Variants in STK38 observed in about 807,000 individuals in gnomAD.
STK38 encodes the protein serine/threonine-protein kinase 38.
Under a neutral mutation model 59.0 loss-of-function variants are expected in STK38, and 26 were observed. The observed-to-expected ratio is 0.44, with a 90% CI of 0.32 to 0.61. The LOEUF (loss-of-function observed/expected upper bound fraction) is 0.61, where lower values mean the gene tolerates loss of function less well. Among genes scored for constraint, STK38 ranks in the 20% least tolerant of loss-of-function variants. The pLI, the probability that STK38 is intolerant of heterozygous loss-of-function variation, is 0.04. For synonymous variants in STK38, 175 were observed against 176.6 expected, an observed-to-expected ratio of 0.99 and a Z score of 0.07; for missense variants, 433 against 566.0, an observed-to-expected ratio of 0.76 and a Z score of 2.38.
intron 6 of STK38, 128 bp from the exon 7 acceptor site, chr6:36,515,620 C>T: frequency 6.7e-7 from 1 of 1,485,568 alleles, no homozygotes; most frequent in South Asian, 1.3e-5. Context: ...GGCGGCTAAA[C>T]AGACCTCTTC....
chr6:36,526,120 C>G (rs1777504940), intron 2 of STK38, among the ~76,000 whole-genome samples: 1 of 152,086 alleles, frequency 6.6e-6, no homozygotes, highest in Non-Finnish European at 1.5e-5. Context: ...TGTGAGCCAC[C>G]ATGCCCCGCC....
chr6:36,524,244 A>C, intron 4 of STK38, 97 bp downstream of exon 4: 2 of 1,435,958 alleles, frequency 1.4e-6, no homozygotes, highest in Non-Finnish European at 1.9e-6. Context: ...ATTTAATTCC[A>C]TATATTTGTT....
chr6:36,521,944 C>T, intron 4 of STK38, 127 bp from the exon 5 acceptor site: 1 of 673,836 alleles, frequency 1.5e-6, no homozygotes, highest in Non-Finnish European at 2.4e-6. Context: ...CTAGTAATAA[C>T]AAAGCAGAAG....
chr6:36,521,656 T>C (rs1777378041), intron 5 of STK38, 78 bp downstream of exon 5: 1 of 1,023,950 alleles, frequency 9.8e-7, no homozygotes, highest in East Asian at 2.6e-5. Flanking sequence ...TAAAAATATA[T>C]ATTTCAATTA....
chr6:36,539,379 C>T (rs1002085888), intron 2 of STK38, among the ~76,000 whole-genome samples: 4 of 140,182 alleles, frequency 2.9e-5, no homozygotes, highest in African/African-American at 1.1e-4. Flanking sequence ...GAGTGAGATT[C>T]GATCTCAAAA....
At chr6:36,522,263 G>A (rs1777394380) in intron 4 of STK38, 1 of 155,628 alleles carries the variant, frequency 6.4e-6, no homozygotes, top group Admixed American at 6.5e-5. Flanking sequence ...CTTGAGCTCA[G>A]GAGTTATGAG....
At chr6:36,541,668 C>G (rs1777940405) in intron 1 of STK38, among the ~76,000 whole-genome samples, 1 of 152,060 alleles carries the variant, frequency 6.6e-6, no homozygotes, top group Non-Finnish European at 1.5e-5. Flanking sequence ...GAACACATTA[C>G]AAAGCAGAAT....
intron 5 of STK38, among the ~76,000 whole-genome samples, chr6:36,521,032 T>C (rs1777364796): frequency 6.6e-6 from 1 of 152,218 alleles, no homozygotes; most frequent in Non-Finnish European, 1.5e-5. Context: ...ACCAGCTACA[T>C]TAAACTAGAT....
intron 7 of STK38, among the ~76,000 whole-genome samples, chr6:36,509,957 A>C (rs1777067874): frequency 6.6e-6 from 1 of 152,140 alleles, no homozygotes. Flanking sequence ...CAAAAGAGAG[A>C]AAGTACGTGC....
intron 4 of STK38, among the ~76,000 whole-genome samples, chr6:36,523,425 G>A (rs534451796): frequency 1.3e-5 from 2 of 151,802 alleles, no homozygotes; most frequent in African/African-American, 4.8e-5. Context: ...ACCACACCCG[G>A]CTAATTTTTC....
chr6:36,517,679 C>A, intron 6 of STK38, 38 bp downstream of exon 6: 1 of 1,604,832 alleles, frequency 6.2e-7, no homozygotes, highest in Non-Finnish European at 8.5e-7. Context: ...AACCACAGAA[C>A]AAAAAGAAAA....
chr6:36,530,003 G>A (rs1395863178), intron 2 of STK38, among the ~76,000 whole-genome samples: 2 of 152,208 alleles, frequency 1.3e-5, no homozygotes, highest in Non-Finnish European at 2.9e-5. Flanking sequence ...CACTTTGGGA[G>A]GCTGAGGCTC....
At chr6:36,508,973 G>C (rs1306068862) in intron 7 of STK38, among the ~76,000 whole-genome samples, 2 of 152,236 alleles carry the variant, frequency 1.3e-5, no homozygotes, top group African/African-American at 2.4e-5. Flanking sequence ...AGAAACCGCA[G>C]AGCCCTAAAG....
In STK38 at chr6:36,507,528, AT is replaced by A; in HGVS notation, c.743del (p.Asn248IlefsTer2). 6.2e-7 allele frequency: 1 copy of A among 1,614,102 alleles called. No homozygotes were observed. The highest frequency in any genetic ancestry group is 1.6e-4 in the Middle Eastern group (1 of 6,062). ...AATCACTGGGGAGGCTGTGGTTCAG[AT>A]TCCTATAAAATTCTGTCCTATGTGC... Reference protein sequence around the residue: ...KKAHRTEFYRNLNHSLPSDFT... With the variant: ...KKAHRTEFYRXLNHSLPSDFT... On this transcript the variant is annotated frameshift_variant, in exon 8 of 14. Coordinates refer to ENST00000229812, the MANE Select transcript of STK38 (RefSeq NM_007271.4). LOFTEE classifies it high-confidence loss of function.
intron 1 of STK38, among the ~76,000 whole-genome samples, chr6:36,546,697 G>C (rs1056200997): frequency 6.6e-6 from 1 of 152,130 alleles, no homozygotes; most frequent in African/African-American, 2.4e-5. Flanking sequence ...GTGATTTGAA[G>C]CTTATCTGAA....
intron 12 of STK38, 41 bp from the exon 13 acceptor site, chr6:36,496,846 T>G (rs1044732615): frequency 5.6e-6 from 8 of 1,421,890 alleles, no homozygotes; most frequent in Middle Eastern, 1.8e-4. Flanking sequence ...AAGTTAGTAA[T>G]CAAATGGATC....
At chr6:36,518,618 C>T (rs1007546232) in intron 5 of STK38, among the ~76,000 whole-genome samples, 1 of 152,098 alleles carries the variant, frequency 6.6e-6, no homozygotes, top group Non-Finnish European at 1.5e-5. Flanking sequence ...AGTGCAGTGG[C>T]GTGATCATAG....
At chr6:36,515,867 T>A (rs1777239039) in intron 6 of STK38, among the ~76,000 whole-genome samples, 1 of 152,244 alleles carries the variant, frequency 6.6e-6, no homozygotes, top group Admixed American at 6.5e-5. Context: ...CTTTTCTGCA[T>A]CTGTAACTAA....
rs929157922 is a variant in STK38 at position 36,498,550 on chromosome 6, T to A, written c.953-64A>T. On this transcript the variant is annotated intron_variant, in intron 10 of 13. Coordinates refer to ENST00000229812, the MANE Select transcript of STK38 (RefSeq NM_007271.4). ...GAACTTTGAATCTGACCGAGATTAC[T>A]CTCCTTAATAAAATTCTATGTCTTT... The A allele has an allele frequency of 1.8e-5, 27 of 1,524,000 alleles. No individual in the cohort carries two copies. The African/African-American group carries it at 2.4e-4, about 14-fold the overall frequency. The allele number at this position is 1,524,000 out of a possible 1,614,324, so 94.4% of individuals were successfully genotyped here. A position where few individuals can be genotyped will look rare whatever the true frequency, so the allele number is the denominator to read the frequency against.
Sources: gnomAD v4.1 joint callset for allele counts (sites outside exome capture counted in the v4.1 genomes callset) on GRCh38, gnomAD v4.1.1 for gene constraint, MANE v1.5 for transcripts, NCBI Gene and HGNC (gene_info 2026-07-23, HGNC 2026-07-21) for gene names.